CGGBP1: variants seen among roughly 807,000 people sequenced by gnomAD.
CGGBP1 encodes the protein CGG triplet repeat binding protein 1, also known as CGG triplet repeat-binding protein 1.
In CGGBP1, 4 loss-of-function variants were observed where a neutral mutation model predicts 11.4. The observed-to-expected ratio is 0.35, with a 90% CI of 0.17 to 0.80. The LOEUF is 0.80. Among genes scored for constraint, CGGBP1 ranks in the 30% least tolerant of loss-of-function variants. The pLI is 0.52. For synonymous variants in CGGBP1, 76 were observed against 74.1 expected (o/e 1.03, Z -0.13); for missense variants, 135 against 202.1 (o/e 0.67, Z 2.01).
chr3:88,062,784 A>G (rs1306506242), upstream of CGGBP1, among the ~76,000 whole-genome samples: 2 of 152,214 alleles, frequency 1.3e-5, no homozygotes, highest in African/African-American at 4.8e-5. Context: ...CGAGGATGTC[A>G]TGAATATAAA....
intron 2 of CGGBP1, among the ~76,000 whole-genome samples, chr3:88,120,340 G>C (rs1181802453): frequency 1.3e-5 from 2 of 152,128 alleles, no homozygotes; most frequent in Non-Finnish European, 2.9e-5. Flanking sequence ...CAAAAGAACA[G>C]GTTTAAATGT....
Position 88,055,385 on chromosome 3 carries a change from T to C in CGGBP1, c.*88A>G, listed in dbSNP as rs1706518173. The C allele has an allele frequency of 3.1e-6, 4 of 1,273,430 alleles. No individual in the cohort carries two copies. The highest frequency in any genetic ancestry group is 3.0e-5 in the African/African-American group (2 of 67,214). The allele number at this position is 1,273,430 out of a possible 1,614,324, so 78.9% of individuals were successfully genotyped here. ...CTATTCTGCGTCACATGATTTTAAATGAAATAAATACAAAAATGAACCACA... is the reference window on the plus strand; with the variant it reads ...CTATTCTGCGTCACATGATTTTAAACGAAATAAATACAAAAATGAACCACA... On this transcript the variant is annotated 3_prime_UTR_variant, in exon 4 of 4. Coordinates refer to ENST00000482016, the MANE Select transcript of CGGBP1 (RefSeq NM_001008390.2). This position sits in a 1 kb window ranked among gnomAD's most constrained non-coding sequence, Gnocchi z 4.2.
chr3:88,145,025 A>G (rs537366327), intron 1 of CGGBP1, among the ~76,000 whole-genome samples: 33 of 151,992 alleles, frequency 2.2e-4, no homozygotes, highest in Admixed American at 6.6e-4. Context: ...ATTTGTCTAC[A>G]CTGGTAATTC....
At chr3:88,132,590 TC>T (rs1488554327) in intron 2 of CGGBP1, among the ~76,000 whole-genome samples, 1 of 152,210 alleles carries the variant, frequency 6.6e-6, no homozygotes, top group Admixed American at 6.5e-5. Flanking sequence ...CATAACACTA[TC>T]CTAAGATTTC....
At chr3:88,090,732 C>T (rs1343579266) in intron 2 of CGGBP1, among the ~76,000 whole-genome samples, 1 of 152,154 alleles carries the variant, frequency 6.6e-6, no homozygotes, top group Non-Finnish European at 1.5e-5. Flanking sequence ...GTGCCCTGTA[C>T]ACATAAACAG....
intron 3 of CGGBP1, 83 bp from the exon 4 acceptor site, chr3:88,056,082 A>G (rs544742450): frequency 9.5e-7 from 1 of 1,051,662 alleles, no homozygotes; most frequent in African/African-American, 1.6e-5. Context: ...CAGTATATAA[A>G]CACTTCAAAT....
At chr3:88,079,971 CTT>C (rs1211872742) in intron 2 of CGGBP1, among the ~76,000 whole-genome samples, 1 of 151,750 alleles carries the variant, frequency 6.6e-6, no homozygotes, top group East Asian at 1.9e-4. Flanking sequence ...TAAAACATGA[CTT>C]TTAGATTTCC....
At chr3:88,149,342 C>G (rs1389700162) in intron 1 of CGGBP1, among the ~76,000 whole-genome samples, 1 of 152,172 alleles carries the variant, frequency 6.6e-6, no homozygotes, top group East Asian at 1.9e-4. Flanking sequence ...AATCTGGCGT[C>G]CAGAACCCCC....
At chr3:88,059,084 G>A, upstream of CGGBP1, 2 of 780,022 alleles carry the variant, frequency 2.6e-6, no homozygotes, top group Non-Finnish European at 3.9e-6. Context: ...ACAGACTGTC[G>A]ATTTCACCAA....
chr3:88,111,836 C>A (rs1238879830), intron 2 of CGGBP1, among the ~76,000 whole-genome samples: 9 of 151,926 alleles, frequency 5.9e-5, no homozygotes, highest in African/African-American at 1.9e-4. Flanking sequence ...TAGAATACAT[C>A]ATCTCTTTTA....
At chr3:88,079,202 A>C (rs1417476064) in intron 2 of CGGBP1, among the ~76,000 whole-genome samples, 1 of 152,104 alleles carries the variant, frequency 6.6e-6, no homozygotes, top group African/African-American at 2.4e-5. Flanking sequence ...TAGTCCAACT[A>C]ATTCTGACTA....
chr3:88,059,109 C>A, upstream of CGGBP1: 2 of 895,832 alleles, frequency 2.2e-6, no homozygotes, highest in Non-Finnish European at 3.3e-6. Context: ...AGTGGAAAGG[C>A]GGGCATGAAC....
chr3:88,055,904 C>T lies in CGGBP1; in HGVS notation c.73G>A (p.Asp25Asn). 6.2e-7 allele frequency: 1 copy of T among 1,614,132 alleles called. No homozygotes were observed. The highest frequency in any genetic ancestry group is 8.5e-7 in the Non-Finnish European group (1 of 1,180,026). Reference protein sequence around the residue: ...SKTALYVTPLDRVTEFGGELH... With the variant: ...SKTALYVTPLNRVTEFGGELH... Reference sequence around the variant, plus strand: ...TCACCTCCAAACTCAGTGACTCGATCCAGGGGAGTCACATACAAAGCAGTC... The same window carrying T: ...TCACCTCCAAACTCAGTGACTCGATTCAGGGGAGTCACATACAAAGCAGTC... The change falls in exon 4 of 4, where the codon GAT (aspartate) becomes AAT (asparagine). Residue 25 changes from aspartate (D) to asparagine (N), a missense_variant. Asp to Asn is a conservative substitution (Grantham distance 23, BLOSUM62 1). Coordinates refer to ENST00000482016, the MANE Select transcript of CGGBP1 (RefSeq NM_001008390.2). The surrounding 1 kb of genome is among the most constrained non-coding windows in gnomAD (Gnocchi z 4.2).
chr3:88,066,056 A>C (rs1372893906), intron 2 of CGGBP1, among the ~76,000 whole-genome samples: 1 of 152,216 alleles, frequency 6.6e-6, no homozygotes, highest in Non-Finnish European at 1.5e-5. Flanking sequence ...TTTTGTACAA[A>C]TAGATACAAG....
intron 2 of CGGBP1, among the ~76,000 whole-genome samples, chr3:88,085,065 T>A (rs1404259888): frequency 1.3e-5 from 2 of 152,190 alleles, no homozygotes; most frequent in African/African-American, 4.8e-5. Flanking sequence ...AAAGATAAAG[T>A]CAGCTAGGAC....
chr3:88,074,344 C>CT (rs60776911), intron 2 of CGGBP1, among the ~76,000 whole-genome samples: 9,512 of 137,486 alleles, frequency 0.069, 523 homozygotes, highest in Non-Finnish European at 0.1. Context: ...TTATATCTTA[C>CT]TTTTTTTTTT....
intron 2 of CGGBP1, among the ~76,000 whole-genome samples, chr3:88,101,316 G>T (rs1021999462): frequency 2.0e-5 from 3 of 151,996 alleles, no homozygotes; most frequent in Non-Finnish European, 2.9e-5. Context: ...CTACTGCTCT[G>T]CTTTCTATCT....
intron 2 of CGGBP1, among the ~76,000 whole-genome samples, chr3:88,120,231 C>A (rs550959829): frequency 2.6e-5 from 4 of 152,070 alleles, no homozygotes; most frequent in Non-Finnish European, 1.5e-5. Flanking sequence ...AGAATGAGGG[C>A]CTAAGTCTTA....
intron 2 of CGGBP1, among the ~76,000 whole-genome samples, chr3:88,124,951 C>G (rs1461356305): frequency 6.6e-6 from 1 of 152,096 alleles, no homozygotes; most frequent in African/African-American, 2.4e-5. Context: ...CACGGTGGCT[C>G]ACGCCTGTAA....
Sources: allele counts gnomAD v4.1 joint callset (sites outside exome capture counted in the v4.1 genomes callset), GRCh38; gene constraint gnomAD v4.1.1; non-coding constraint Gnocchi (gnomAD v3.1); transcripts MANE v1.5; gene names NCBI Gene and HGNC (gene_info 2026-07-23, HGNC 2026-07-21).